FRYL: variants seen among roughly 807,000 people sequenced by gnomAD.
FRYL encodes the protein protein furry homolog-like.
A neutral mutation model predicts 351.2 loss-of-function variants in FRYL; 150 were observed. The observed-to-expected ratio is 0.43, with a 90% confidence interval of 0.37 to 0.49. The LOEUF (loss-of-function observed/expected upper bound fraction) is 0.49, where lower values mean the gene tolerates loss of function less well. FRYL is among the 20% of genes least tolerant of loss of function. The pLI, the probability that FRYL is intolerant of heterozygous loss-of-function variation, is 0.00. For missense variants in FRYL, 3,036 were observed against 3,619.3 expected, an observed-to-expected ratio of 0.84 and a Z score of 4.13; for synonymous variants, 1,153 against 1,257.1, an observed-to-expected ratio of 0.92 and a Z score of 1.75.
At chr4:48,584,619 C>T (rs1741697384) in intron 19 of FRYL, among the ~76,000 whole-genome samples, 1 of 152,156 alleles carries the variant, frequency 6.6e-6, no homozygotes, top group African/African-American at 2.4e-5. Context: ...TTCAACATTC[C>T]TTAAATCCAT....
chr4:48,605,676 A>C, intron 11 of FRYL, 65 bp downstream of exon 11: 2 of 1,048,216 alleles, frequency 1.9e-6, no homozygotes, highest in Non-Finnish European at 2.9e-6. Flanking sequence ...CAAAAAATAA[A>C]AGTATAAGGT....
chr4:48,553,523 T>G (rs1356339469), intron 35 of FRYL, 140 bp from the exon 36 acceptor site: 1 of 613,846 alleles, frequency 1.6e-6, no homozygotes, highest in Admixed American at 3.0e-5. Flanking sequence ...TTAGCACTGA[T>G]CAACAATAAG....
At position 48,689,396 on chromosome 4, in the gene FRYL, A is replaced by G. The variant is rs183790312; in HGVS notation, c.-203-4601T>C. On this transcript the variant is annotated intron_variant, in intron 2 of 63. Coordinates refer to ENST00000358350, the MANE Select transcript of FRYL (RefSeq NM_015030.2). ...TACATTTTCATGTTGGCACAGAAAAATGGAATTCAACTACAAATTTATCAT... is the reference window on the plus strand; with the variant it reads ...TACATTTTCATGTTGGCACAGAAAAGTGGAATTCAACTACAAATTTATCAT... Among the ~76,000 whole-genome samples, 59 of 152,346 alleles carry G rather than the reference A, an allele frequency of 3.9e-4. No homozygotes were observed. The East Asian group carries it at 0.01, about 27-fold the overall frequency.
chr4:48,690,695 T>C (rs1364974672), intron 2 of FRYL, among the ~76,000 whole-genome samples: 1 of 152,204 alleles, frequency 6.6e-6, no homozygotes, highest in East Asian at 1.9e-4. Context: ...TAAAATGCTT[T>C]CTAGGGTCAT....
At chr4:48,727,642 C>A (rs1432741166) in intron 1 of FRYL, among the ~76,000 whole-genome samples, 2 of 152,110 alleles carry the variant, frequency 1.3e-5, no homozygotes, top group African/African-American at 2.4e-5. Context: ...TCAGAAAAAT[C>A]CCCCCTACTT....
At chr4:48,656,407 T>TA in intron 3 of FRYL, among the ~76,000 whole-genome samples, 1 of 118,012 alleles carries the variant, frequency 8.5e-6, no homozygotes. Flanking sequence ...TATATAATTA[T>TA]ATATAATGTA....
chr4:48,580,939 A>G lies in FRYL; in HGVS notation c.2185T>C (p.Leu729=), dbSNP rs1376949319. 25 of 1,594,192 alleles carry G rather than the reference A, an allele frequency of 1.6e-5. No homozygotes were observed. The highest frequency in any genetic ancestry group is 2.0e-5 in the Non-Finnish European group (24 of 1,173,606). Residue 729 remains leucine (L), a synonymous_variant, in exon 22 of 64, where the codon TTA becomes CTA. Coordinates refer to ENST00000358350, the MANE Select transcript of FRYL (RefSeq NM_015030.2). ...LLEIPKGDDE[L]AIDVMDRLSP... ...AGCCTGTCCATCACATCTATGGCTA[A>G]TTCATCATCACCCTGTAAAAAAGAC...
At chr4:48,533,504 T>C (rs1728159771) in intron 49 of FRYL, among the ~76,000 whole-genome samples, 1 of 152,192 alleles carries the variant, frequency 6.6e-6, no homozygotes, top group South Asian at 2.1e-4. Context: ...TACTTTCAGA[T>C]ATGAACTAGA....
At chr4:48,504,630 A>C (rs1720507703) in intron 60 of FRYL, among the ~76,000 whole-genome samples, 1 of 152,094 alleles carries the variant, frequency 6.6e-6, no homozygotes, top group African/African-American at 2.4e-5. Flanking sequence ...CCTAGGTTTC[A>C]ATCTTGGTTT....
intron 7 of FRYL, among the ~76,000 whole-genome samples, chr4:48,613,728 G>A (rs1748717722): frequency 1.3e-5 from 2 of 151,648 alleles, no homozygotes; most frequent in African/African-American, 4.9e-5. Flanking sequence ...GGCTGAGGCG[G>A]GTGGATCATC....
rs1270610865 is a variant in FRYL, at chr4:48,499,105, T to C, written c.*317A>G. ...GTATTGGAGGCCATTATTGCAAACA[T>C]TCTTGGAATTCTTTTCTTTCCCCAG... On this transcript the variant is annotated 3_prime_UTR_variant, in exon 64 of 64. Transcript: ENST00000358350. 4.4e-6 allele frequency: 1 copy of C among 225,430 alleles called. No individual in the cohort carries two copies. The highest frequency in any genetic ancestry group is 8.8e-6 in the Non-Finnish European group (1 of 113,442). 14.0% of individuals were successfully genotyped at this position (225,430 alleles called of 1,614,324 possible).
At chr4:48,622,760 G>C (rs1471617702) in intron 5 of FRYL, among the ~76,000 whole-genome samples, 1 of 152,088 alleles carries the variant, frequency 6.6e-6, no homozygotes, top group Admixed American at 6.6e-5. Flanking sequence ...GTTAGACACC[G>C]GCATTCTACA....
Position 48,579,063 on chromosome 4 carries a change from T to C in FRYL, c.2438A>G (p.Asn813Ser). Residue 813 changes from asparagine to serine, a missense_variant, in exon 23 of 64, where the codon AAT becomes AGT. Physicochemically the swap from Asn to Ser is conservative, Grantham distance 46 (BLOSUM62 1). Transcript: ENST00000358350. The stretch of plus-strand genomic sequence containing the variant: ...AGCTGTAGAGCAGTGTTTAGGAAGA[T>C]TTTCTTGCTTTAAAAAACTGGAGAG... ...ISLSSFLKQE[N>S]LPKHCSTAVS... is the part of the protein sequence containing the mutation. 1.2e-6 allele frequency: 2 copies of C among 1,614,028 alleles called. No individual in the cohort carries two copies. Among genetic ancestry groups the C allele is most frequent in the Non-Finnish European group, 1.7e-6 (2 of 1,179,932 alleles).
At chr4:48,754,163 C>T (rs543106322) in intron 1 of FRYL, among the ~76,000 whole-genome samples, 2 of 152,304 alleles carry the variant, frequency 1.3e-5, no homozygotes, top group Admixed American at 6.5e-5. Flanking sequence ...AAACCCCATA[C>T]ACATACTAAG....
chr4:48,609,718 C>A, intron 8 of FRYL, 26 bp downstream of exon 8: 1 of 1,226,882 alleles, frequency 8.2e-7, no homozygotes. Flanking sequence ...AAAAAGGCAA[C>A]AATCCCAAGT....
At chr4:48,672,469 A>G (rs1762901274) in intron 3 of FRYL, among the ~76,000 whole-genome samples, 2 of 152,232 alleles carry the variant, frequency 1.3e-5, no homozygotes, top group South Asian at 2.1e-4. Flanking sequence ...CCCTCTTAAG[A>G]AAAGGAACAT....
chr4:48,667,947 C>G (rs1762030297), intron 3 of FRYL, among the ~76,000 whole-genome samples: 1 of 152,216 alleles, frequency 6.6e-6, no homozygotes, highest in South Asian at 2.1e-4. Context: ...AGCGTCCGGC[C>G]AAAGCCTCCA....
intron 16 of FRYL, 41 bp from the exon 17 acceptor site, chr4:48,590,871 T>A: frequency 6.8e-7 from 1 of 1,464,028 alleles, no homozygotes; most frequent in Non-Finnish European, 9.3e-7. Flanking sequence ...ATGAGTATCA[T>A]AAATTACCTT....
chr4:48,629,972 T>C (rs1435482703), intron 4 of FRYL, among the ~76,000 whole-genome samples: 1 of 152,160 alleles, frequency 6.6e-6, no homozygotes, highest in Non-Finnish European at 1.5e-5. Flanking sequence ...GACTGGGGCA[T>C]ACAATGGTTG....
Sources: allele counts gnomAD v4.1 joint callset (sites outside exome capture counted in the v4.1 genomes callset), GRCh38; gene constraint gnomAD v4.1.1; transcripts MANE v1.5; gene names NCBI Gene and HGNC (gene_info 2026-07-23, HGNC 2026-07-21).